Variants in RUNX2 observed in about 807,000 individuals in gnomAD.
RUNX2 encodes the protein RUNX family transcription factor 2.
In RUNX2, 10 loss-of-function variants were observed where a neutral mutation model predicts 51.7. That is an observed-to-expected ratio of 0.19 (90% CI 0.12 to 0.33). The LOEUF (loss-of-function observed/expected upper bound fraction) is 0.33, where lower values mean the gene tolerates loss of function less well. Ranked by LOEUF, RUNX2 falls within the 10% of genes least tolerant of loss-of-function variation. RUNX2 has a pLI of 1.00. For synonymous variants in RUNX2, 276 were observed against 273.6 expected (o/e 1.01, Z -0.09); for missense variants, 562 against 691.3 (o/e 0.81, Z 2.10).
At chr6:45,368,364 A>G (rs912891024) in intron 2 of RUNX2, among the ~76,000 whole-genome samples, 4 of 152,176 alleles carry the variant, frequency 2.6e-5, no homozygotes, top group Non-Finnish European at 4.4e-5. Flanking sequence ...GAGAAGAAAA[A>G]TTGGCATTTA....
intron 2 of RUNX2, among the ~76,000 whole-genome samples, chr6:45,386,649 T>C (rs1389575123): frequency 6.6e-6 from 1 of 152,210 alleles, no homozygotes; most frequent in Non-Finnish European, 1.5e-5. Flanking sequence ...TTTTTGTCAT[T>C]ATTGTCGTTA....
intron 6 of RUNX2, among the ~76,000 whole-genome samples, chr6:45,499,328 G>A (rs1314929909): frequency 6.6e-6 from 1 of 152,194 alleles, no homozygotes; most frequent in Non-Finnish European, 1.5e-5. Context: ...CTGTACAGGA[G>A]GTTGCTAGTC....
At chr6:45,544,706 A>G (rs1326280937) in intron 7 of RUNX2, among the ~76,000 whole-genome samples, 1 of 152,182 alleles carries the variant, frequency 6.6e-6, no homozygotes, top group African/African-American at 2.4e-5. Context: ...CATCGCTGTT[A>G]GTTCTGCCAG....
intron 5 of RUNX2, among the ~76,000 whole-genome samples, chr6:45,490,552 A>G (rs894361959): frequency 1.7e-4 from 26 of 152,322 alleles, no homozygotes; most frequent in African/African-American, 6.0e-4. Context: ...AATTTGTCTT[A>G]CGAAGACAGC....
intron 6 of RUNX2, among the ~76,000 whole-genome samples, chr6:45,505,826 A>G (rs1163380817): frequency 6.6e-6 from 1 of 152,216 alleles, no homozygotes; most frequent in East Asian, 1.9e-4. Flanking sequence ...GAGAACTTAT[A>G]AAATCGATTC....
chr6:45,494,227 C>G (rs890211673), intron 6 of RUNX2, among the ~76,000 whole-genome samples: 2 of 152,188 alleles, frequency 1.3e-5, no homozygotes, highest in African/African-American at 4.8e-5. Context: ...CTGAGCAGAT[C>G]GAGAGTGTGG....
At chr6:45,340,345 A>G (rs1254706366) in intron 2 of RUNX2, among the ~76,000 whole-genome samples, 1 of 152,138 alleles carries the variant, frequency 6.6e-6, no homozygotes, top group Non-Finnish European at 1.5e-5. Context: ...CCCCCTCAAG[A>G]CAAGGTCTCA....
chr6:45,434,744 T>C (rs182282823), intron 4 of RUNX2, among the ~76,000 whole-genome samples: 37 of 152,282 alleles, frequency 2.4e-4, no homozygotes, highest in African/African-American at 8.7e-4. Flanking sequence ...GATGAAGCCA[T>C]GGATGACACA....
chr6:45,422,176 C>G (rs1277221149), intron 2 of RUNX2: 1 of 203,290 alleles, frequency 4.9e-6, no homozygotes, highest in African/African-American at 2.4e-5. Flanking sequence ...GCTTCACCAC[C>G]GGACTCCAAC....
intron 6 of RUNX2, among the ~76,000 whole-genome samples, chr6:45,497,985 T>C (rs1289918818): frequency 6.6e-6 from 1 of 152,202 alleles, no homozygotes; most frequent in Non-Finnish European, 1.5e-5. Context: ...GTTTAACTCA[T>C]ACGTTCCTCA....
rs566350517 is a variant in RUNX2, at chr6:45,480,435, G to T, written c.686-11506G>T. Among the ~76,000 whole-genome samples, 32 of 152,264 alleles carry T rather than the reference G, an allele frequency of 2.1e-4. No homozygotes were observed. The South Asian group carries it at 5.0e-3, about 24-fold the overall frequency. ...TTAAACAATCTGTTTAAGACCTGTTGTGTAGATATAAACACAATAGTCCTT... is the reference window on the plus strand; with the variant it reads ...TTAAACAATCTGTTTAAGACCTGTTTTGTAGATATAAACACAATAGTCCTT... On this transcript the variant is annotated intron_variant, in intron 5 of 8. Coordinates refer to ENST00000647337, the MANE Select transcript of RUNX2 (RefSeq NM_001024630.4).
chr6:45,464,342 T>A (rs1228964258), intron 5 of RUNX2, among the ~76,000 whole-genome samples: 1 of 152,210 alleles, frequency 6.6e-6, no homozygotes, highest in African/African-American at 2.4e-5. Flanking sequence ...ACAGTAAAGT[T>A]TTCAAATGAA....
chr6:45,462,396 T>A (rs913613540), intron 5 of RUNX2, among the ~76,000 whole-genome samples: 3 of 152,210 alleles, frequency 2.0e-5, no homozygotes, highest in African/African-American at 7.2e-5. Flanking sequence ...CTTATGTGTA[T>A]CTGTGGGAGG....
Position 45,547,517 on chromosome 6 carries a change from G to A in RUNX2, c.*212G>A, listed in dbSNP as rs79061067. 3.0e-5 allele frequency: 18 copies of A among 590,630 alleles called. No individual in the cohort carries two copies. In the East Asian group the frequency reaches 5.1e-4, roughly 17 times the overall value. The allele number at this position is 590,630 out of a possible 1,614,324, so 36.6% of individuals were successfully genotyped here. A position where few individuals can be genotyped will look rare whatever the true frequency, so the allele number is the denominator to read the frequency against. ...AGCAGAAGGCTCAAGAGAGACAATT[G>A]CAATCGAGCTTCAGATTGTTTACTA... On this transcript the variant is annotated 3_prime_UTR_variant, in exon 9 of 9. Transcript: ENST00000647337.
At chr6:45,413,284 A>G (rs1001845551) in intron 2 of RUNX2, among the ~76,000 whole-genome samples, 2 of 152,206 alleles carry the variant, frequency 1.3e-5, no homozygotes, top group Non-Finnish European at 2.9e-5. Context: ...TAATAAGCAG[A>G]TAATCCATAT....
At chr6:45,497,274 T>C (rs1275620934) in intron 6 of RUNX2, among the ~76,000 whole-genome samples, 1 of 152,176 alleles carries the variant, frequency 6.6e-6, no homozygotes, top group Non-Finnish European at 1.5e-5. Context: ...TCAATGAAAG[T>C]TGATTTTCCC....
chr6:45,472,945 G>A (rs911460398), intron 5 of RUNX2, among the ~76,000 whole-genome samples: 5 of 152,092 alleles, frequency 3.3e-5, no homozygotes, highest in Admixed American at 6.5e-5. Flanking sequence ...ATCTTTAGTC[G>A]TCTGAAAGGG....
intron 7 of RUNX2, among the ~76,000 whole-genome samples, chr6:45,515,588 G>A (rs1040039505): frequency 7.9e-5 from 12 of 152,086 alleles, no homozygotes; most frequent in Admixed American, 2.0e-4. Flanking sequence ...ATAGATCACC[G>A]CAGGGCATAT....
intron 6 of RUNX2, among the ~76,000 whole-genome samples, chr6:45,510,900 G>A (rs1365585472): frequency 6.6e-6 from 1 of 152,054 alleles, no homozygotes; most frequent in Admixed American, 6.5e-5. Context: ...AGGAAACTGA[G>A]GCTCAGAGTG....
Sources: gnomAD v4.1 joint callset for allele counts (sites outside exome capture counted in the v4.1 genomes callset) on GRCh38, gnomAD v4.1.1 for gene constraint, MANE v1.5 for transcripts, NCBI Gene and HGNC (gene_info 2026-07-23, HGNC 2026-07-21) for gene names.